The following TRERF1 variants were observed in gnomAD, a reference collection of about 807,000 sequenced individuals.
TRERF1 encodes transcriptional regulating factor 1, also known as transcriptional-regulating factor 1.
Under a neutral mutation model 122.9 loss-of-function variants are expected in TRERF1, and 27 were observed. The observed-to-expected ratio is 0.22, with a 90% CI of 0.16 to 0.30. The LOEUF (loss-of-function observed/expected upper bound fraction) is 0.30. Among genes scored for constraint, TRERF1 ranks in the 10% least tolerant of loss-of-function variants. The pLI is 1.00. For synonymous variants in TRERF1, 636 were observed against 641.7 expected, an observed-to-expected ratio of 0.99 and a Z score of 0.13; for missense variants, 1,248 against 1,560.3, an observed-to-expected ratio of 0.80 and a Z score of 3.37.
At position 42,243,233 on chromosome 6, in the gene TRERF1, A is replaced by G. The variant is rs770580203; in HGVS notation, c.2859+15T>C. The G allele has an allele frequency of 3.7e-6, 6 of 1,607,956 alleles. No homozygotes were observed. In the South Asian group the frequency reaches 6.6e-5, roughly 18 times the overall value. ...GCTGTCCCAGCACAAGCAACAACTT[A>G]GCAGCTTCACTCACCACACAATCGT... On this transcript the variant is annotated intron_variant, in intron 15 of 17. Transcript: ENST00000372922.
At chr6:42,300,352 C>T (rs1427831213) in intron 4 of TRERF1, among the ~76,000 whole-genome samples, 2 of 152,126 alleles carry the variant, frequency 1.3e-5, no homozygotes, top group East Asian at 1.9e-4. Context: ...CTGGATACCC[C>T]ATCCTGTAAG....
chr6:42,436,368 CAA>C (rs10713410), intron 2 of TRERF1, among the ~76,000 whole-genome samples: 2 of 144,108 alleles, frequency 1.4e-5, no homozygotes, highest in East Asian at 4.0e-4. Flanking sequence ...GACTCCGTCT[CAA>C]AAAAAAAAAG....
intron 2 of TRERF1, among the ~76,000 whole-genome samples, chr6:42,432,702 C>T (rs141132329): frequency 0.01 from 1,524 of 152,108 alleles, 22 homozygotes; most frequent in African/African-American, 0.035. Flanking sequence ...ATTAGCCAGA[C>T]GTGGTGGCAG....
intron 2 of TRERF1, among the ~76,000 whole-genome samples, chr6:42,375,735 T>C (rs1352824778): frequency 1.3e-5 from 2 of 151,934 alleles, no homozygotes. Context: ...GCGGCTGTGA[T>C]TACTATGGGG....
intron 2 of TRERF1, among the ~76,000 whole-genome samples, chr6:42,387,228 C>T (rs1776954907): frequency 6.6e-6 from 1 of 152,202 alleles, no homozygotes; most frequent in South Asian, 2.1e-4. Flanking sequence ...TTATCTATTT[C>T]CTTTTCACTG....
chr6:42,433,601 G>A lies in TRERF1; in HGVS notation c.-454+17576C>T, dbSNP rs1302318228. The stretch of plus-strand genomic sequence containing the variant: ...GCCTCTACATTTTCCACGGTAAAAT[G>A]CCCAGCACTCAAACAACAATCACCA... On this transcript the variant is annotated intron_variant, in intron 2 of 17. Coordinates refer to ENST00000372922, the Ensembl canonical transcript of TRERF1. 2.0e-5 allele frequency among the ~76,000 whole-genome samples: 3 copies of A among 152,088 alleles called. No homozygotes were observed. In the East Asian group the frequency reaches 5.8e-4, roughly 29 times the overall value.
chr6:42,231,712 A>G (rs1353767546), intron 17 of TRERF1, among the ~76,000 whole-genome samples: 1 of 152,198 alleles, frequency 6.6e-6, no homozygotes, highest in Non-Finnish European at 1.5e-5. Context: ...TCTCTACTGG[A>G]GGCTGTGGGA....
At chr6:42,404,160 G>C (rs919715681) in intron 2 of TRERF1, among the ~76,000 whole-genome samples, 1 of 152,150 alleles carries the variant, frequency 6.6e-6, no homozygotes, top group Non-Finnish European at 1.5e-5. Context: ...ACATTCTTCT[G>C]AGCAGATGCC....
At chr6:42,298,813 G>A (rs1010387695) in intron 4 of TRERF1, among the ~76,000 whole-genome samples, 2 of 151,988 alleles carry the variant, frequency 1.3e-5, no homozygotes, top group Admixed American at 6.6e-5. Context: ...GGTAGCAGAC[G>A]CCTGTAGTCC....
chr6:42,279,679 G>A (rs1047328451), intron 4 of TRERF1, among the ~76,000 whole-genome samples: 2 of 152,302 alleles, frequency 1.3e-5, no homozygotes, highest in South Asian at 2.1e-4. Flanking sequence ...AGGGACGACA[G>A]GGAGGGTGGT....
chr6:42,272,947 A>G (rs1459397443), intron 4 of TRERF1, among the ~76,000 whole-genome samples: 2 of 152,052 alleles, frequency 1.3e-5, no homozygotes, highest in Non-Finnish European at 1.5e-5. Context: ...CATCTCTCCC[A>G]AACTGGATGC....
chr6:42,265,177 C>T (rs893586328), intron 6 of TRERF1, among the ~76,000 whole-genome samples: 1 of 152,184 alleles, frequency 6.6e-6, no homozygotes, highest in South Asian at 2.1e-4. Flanking sequence ...TCAGCCTGAG[C>T]CCAGCTCCTC....
chr6:42,380,713 G>A (rs1342738801), intron 2 of TRERF1, among the ~76,000 whole-genome samples: 1 of 152,150 alleles, frequency 6.6e-6, no homozygotes, highest in African/African-American at 2.4e-5. Context: ...GCTCTCTAGG[G>A]AAAAAGGTCC....
At chr6:42,301,212 T>TGTTTG (rs1371302801) in intron 3 of TRERF1, among the ~76,000 whole-genome samples, 1 of 114,506 alleles carries the variant, frequency 8.7e-6, no homozygotes, top group East Asian at 2.4e-4. Context: ...AAGAACCAGT[T>TGTTTG]GTTTTGTTTT....
chr6:42,426,424 T>C (rs984012910), intron 2 of TRERF1, among the ~76,000 whole-genome samples: 7 of 152,166 alleles, frequency 4.6e-5, no homozygotes, highest in African/African-American at 1.7e-4. Context: ...TAGAAATGGG[T>C]GTTCACTAGA....
chr6:42,315,622 G>A (rs1561972440), intron 3 of TRERF1, among the ~76,000 whole-genome samples: 1 of 152,072 alleles, frequency 6.6e-6, no homozygotes, highest in Non-Finnish European at 1.5e-5. Context: ...AAATGAAGGG[G>A]GGCCATCGGG....
At chr6:42,421,062 C>T (rs2151556792) in intron 2 of TRERF1, among the ~76,000 whole-genome samples, 1 of 152,368 alleles carries the variant, frequency 6.6e-6, no homozygotes, top group East Asian at 1.9e-4. Context: ...CAGCCTCTTA[C>T]ATGCTCCATG....
At chr6:42,247,426 T>C (rs1466070651) in intron 13 of TRERF1, among the ~76,000 whole-genome samples, 3 of 152,200 alleles carry the variant, frequency 2.0e-5, no homozygotes, top group African/African-American at 4.8e-5. Flanking sequence ...CTAACAATCC[T>C]GTAAGATTGT....
At chr6:42,431,534 T>C (rs1784503153) in intron 2 of TRERF1, among the ~76,000 whole-genome samples, 1 of 152,184 alleles carries the variant, frequency 6.6e-6, no homozygotes, top group Non-Finnish European at 1.5e-5. Flanking sequence ...GTGGCTGCCC[T>C]GATACTCCAA....
Sources: gnomAD v4.1 joint callset for allele counts (sites outside exome capture counted in the v4.1 genomes callset) on GRCh38, gnomAD v4.1.1 for gene constraint, MANE v1.5 for transcripts, NCBI Gene and HGNC (gene_info 2026-07-23, HGNC 2026-07-21) for gene names.